Variants in RERG observed in about 807,000 individuals in gnomAD.
RERG encodes the protein RAS like estrogen regulated growth inhibitor, also known as ras-related and estrogen-regulated growth inhibitor.
In RERG, 25 loss-of-function variants were observed where a neutral mutation model predicts 23.2. The observed-to-expected ratio is 1.08, with a 90% CI of 0.79 to 1.50. RERG has a LOEUF of 1.50. Ranked by LOEUF, RERG falls within the 40% of genes most tolerant of loss-of-function variation. The pLI is 0.00. For missense variants in RERG, 253 were observed against 250.1 expected, an observed-to-expected ratio of 1.01 and a Z score of -0.08; for synonymous variants, 81 against 89.1, an observed-to-expected ratio of 0.91 and a Z score of 0.51.
chr12:15,123,468 G>C (rs1402902506), intron 2 of RERG, among the ~76,000 whole-genome samples: 1 of 147,244 alleles, frequency 6.8e-6, no homozygotes, highest in African/African-American at 2.5e-5. Context: ...ACTCAAAAAA[G>C]TTATATATAT....
chr12:15,136,901 T>C (rs571124593), intron 2 of RERG, among the ~76,000 whole-genome samples: 23 of 152,110 alleles, frequency 1.5e-4, no homozygotes, highest in African/African-American at 5.5e-4. Context: ...AGCCTATAGA[T>C]GTCAGTTATA....
intron 2 of RERG, among the ~76,000 whole-genome samples, chr12:15,123,967 G>A (rs146675639): frequency 1.1e-3 from 171 of 152,198 alleles, no homozygotes; most frequent in Middle Eastern, 0.01. Context: ...ATGTAGGGAA[G>A]ACTGTTTTCC....
rs373950416 is a variant in RERG at position 15,148,933 on chromosome 12, G to A, written c.62-27814C>T. ...ACCCAGGCTGGACTGCAGTGGCGCC[G>A]TCTCGGCTCACTGCAACCTCCGCCT... is the stretch of plus-strand genomic sequence containing the variant. On this transcript the variant is annotated intron_variant, in intron 2 of 4. Transcript: ENST00000256953. 3.0e-3 allele frequency among the ~76,000 whole-genome samples: 366 copies of A among 124,054 alleles called. 1 individual carries two copies. The highest frequency in any genetic ancestry group is 0.02 in the Middle Eastern group (3 of 152). The allele number at this position is 124,054 out of a possible 152,430, so 81.4% of individuals were successfully genotyped here. A position where few individuals can be genotyped will look rare whatever the true frequency, so the allele number is the denominator to read the frequency against.
chr12:15,152,467 G>A (rs1470160592), intron 2 of RERG, among the ~76,000 whole-genome samples: 1 of 152,082 alleles, frequency 6.6e-6, no homozygotes, highest in East Asian at 1.9e-4. Flanking sequence ...CTCTTGTTTT[G>A]GACAGAGAAG....
intron 2 of RERG, among the ~76,000 whole-genome samples, chr12:15,161,293 G>A (rs1864611837): frequency 6.6e-6 from 1 of 152,128 alleles, no homozygotes; most frequent in South Asian, 2.1e-4. Context: ...AGGCCACTGT[G>A]TCACACAGTA....
At chr12:15,154,277 C>T (rs1864488474) in intron 2 of RERG, 1 of 152,210 alleles carries the variant, frequency 6.6e-6, no homozygotes, top group African/African-American at 2.4e-5. Flanking sequence ...AGCACAGAAG[C>T]TTTGTTCAGA....
At chr12:15,143,776 C>A (rs555935439) in intron 2 of RERG, among the ~76,000 whole-genome samples, 1 of 152,096 alleles carries the variant, frequency 6.6e-6, no homozygotes, top group Non-Finnish European at 1.5e-5. Context: ...AAAAGTAAAG[C>A]AGGGAGAAGA....
At chr12:15,136,497 G>T (rs1395438402) in intron 2 of RERG, among the ~76,000 whole-genome samples, 2 of 151,620 alleles carry the variant, frequency 1.3e-5, no homozygotes. Flanking sequence ...TTATTTTATT[G>T]ATTTTAGATC....
At chr12:15,142,088 C>T (rs554655466) in intron 2 of RERG, among the ~76,000 whole-genome samples, 1 of 152,312 alleles carries the variant, frequency 6.6e-6, no homozygotes, top group Non-Finnish European at 1.5e-5. Flanking sequence ...TGTGCAAGAA[C>T]ACATATCTGA....
chr12:15,138,869 A>C (rs1280620700), intron 2 of RERG, among the ~76,000 whole-genome samples: 1 of 151,776 alleles, frequency 6.6e-6, no homozygotes. Context: ...ATTTGCTGTC[A>C]CTTCTAAAAG....
chr12:15,130,908 G>A (rs1002906456), intron 2 of RERG, among the ~76,000 whole-genome samples: 7 of 152,046 alleles, frequency 4.6e-5, no homozygotes, highest in South Asian at 2.1e-4. Flanking sequence ...TCTCAAGTCT[G>A]GAAAATTGAC....
intron 2 of RERG, among the ~76,000 whole-genome samples, chr12:15,123,253 T>C (rs1212141083): frequency 6.6e-6 from 1 of 152,058 alleles, no homozygotes; most frequent in Non-Finnish European, 1.5e-5. Context: ...ATTTAAAAAA[T>C]GTATTAGACA....
At chr12:15,130,124 A>G (rs1411653229) in intron 2 of RERG, among the ~76,000 whole-genome samples, 5 of 152,328 alleles carry the variant, frequency 3.3e-5, no homozygotes, top group Middle Eastern at 3.4e-3. Context: ...CCTGCCATTC[A>G]TCTGCCTATC....
At chr12:15,136,603 CTTTCA>C (rs1273461924) in intron 2 of RERG, among the ~76,000 whole-genome samples, 2 of 151,852 alleles carry the variant, frequency 1.3e-5, no homozygotes, top group Non-Finnish European at 2.9e-5. Context: ...TGTATTTTTA[CTTTCA>C]TTTAGTTCAA....
intron 2 of RERG, among the ~76,000 whole-genome samples, chr12:15,214,598 T>C (rs893946993): frequency 8.5e-5 from 13 of 152,202 alleles, no homozygotes; most frequent in African/African-American, 2.7e-4. Flanking sequence ...AAATGTGTGA[T>C]ACAATGATGA....
At chr12:15,190,753 G>A (rs1194985099) in intron 2 of RERG, among the ~76,000 whole-genome samples, 1 of 152,166 alleles carries the variant, frequency 6.6e-6, no homozygotes, top group East Asian at 1.9e-4. Flanking sequence ...ATTTTCTGTT[G>A]CTGCATAACA....
intron 2 of RERG, among the ~76,000 whole-genome samples, chr12:15,182,797 T>C (rs892740906): frequency 6.6e-6 from 1 of 152,104 alleles, no homozygotes; most frequent in Non-Finnish European, 1.5e-5. Flanking sequence ...GTATTAAGCC[T>C]TGTGTGGTGG....
chr12:15,207,358 C>G (rs1285969423), intron 2 of RERG, among the ~76,000 whole-genome samples: 1 of 152,034 alleles, frequency 6.6e-6, no homozygotes, highest in Non-Finnish European at 1.5e-5. Context: ...TGAAAATGAA[C>G]ATCTATACCT....
At chr12:15,148,526 T>G (rs1252644573) in intron 2 of RERG, among the ~76,000 whole-genome samples, 1 of 152,128 alleles carries the variant, frequency 6.6e-6, no homozygotes. Context: ...CTTAAGACAC[T>G]GGGAAAACAT....
Sources: allele counts gnomAD v4.1 joint callset (sites outside exome capture counted in the v4.1 genomes callset), GRCh38; gene constraint gnomAD v4.1.1; transcripts MANE v1.5; gene names NCBI Gene and HGNC (gene_info 2026-07-23, HGNC 2026-07-21).